Variants in CD96 observed in about 807,000 individuals in gnomAD.
The protein encoded by CD96 is T-cell surface protein tactile.
Under a neutral mutation model 71.3 loss-of-function variants are expected in CD96, and 70 were observed. That is an observed-to-expected ratio of 0.98 (90% CI 0.81 to 1.20). CD96 has a LOEUF of 1.20. Ranked by LOEUF, CD96 falls within the 50% of genes most tolerant of loss-of-function variation. The pLI is 0.00. For synonymous variants in CD96, 248 were observed against 233.0 expected (o/e 1.06, Z -0.59); for missense variants, 742 against 677.5 (o/e 1.10, Z -1.06).
chr3:111,637,681 G>A (rs1183970964), intron 11 of CD96, among the ~76,000 whole-genome samples: 5 of 152,070 alleles, frequency 3.3e-5, no homozygotes, highest in Non-Finnish European at 2.9e-5. Flanking sequence ...AAGAGAACAG[G>A]AACAGAGCCT....
intron 12 of CD96, among the ~76,000 whole-genome samples, chr3:111,643,781 G>A (rs932040670): frequency 2.7e-5 from 4 of 149,146 alleles, no homozygotes; most frequent in African/African-American, 9.8e-5. Flanking sequence ...CCTAACAAAG[G>A]AGTCTAAATT....
At chr3:111,633,260 T>C (rs1008863723) in intron 10 of CD96, among the ~76,000 whole-genome samples, 5 of 152,130 alleles carry the variant, frequency 3.3e-5, no homozygotes, top group Non-Finnish European at 5.9e-5. Context: ...ACACACAACA[T>C]TTATCAATTA....
chr3:111,565,541 A>C (rs1212480168), intron 2 of CD96, among the ~76,000 whole-genome samples: 1 of 152,042 alleles, frequency 6.6e-6, no homozygotes, highest in African/African-American at 2.4e-5. Context: ...AATATATATA[A>C]GTAAAACAAT....
chr3:111,655,674 C>A (rs1315567932), downstream of CD96, among the ~76,000 whole-genome samples: 2 of 151,874 alleles, frequency 1.3e-5, no homozygotes, highest in Non-Finnish European at 2.9e-5. Context: ...ATATAATTTA[C>A]CATATAAATA....
At chr3:111,595,110 T>C (rs1559744756) in intron 5 of CD96, 1 of 166,848 alleles carries the variant, frequency 6.0e-6, no homozygotes. Flanking sequence ...GGCAACTTAC[T>C]CCAGATGTTT....
chr3:111,609,713 A>G (rs572974492), intron 8 of CD96, among the ~76,000 whole-genome samples: 1 of 152,200 alleles, frequency 6.6e-6, no homozygotes, highest in African/African-American at 2.4e-5. Context: ...CAGGGGGGAA[A>G]AATGCCACCT....
Position 111,594,303 on chromosome 3 carries a change from C to T in CD96, c.808-3817C>T, listed in dbSNP as rs963865269. ...TATATTTGGGAAGGGCCTGTGGTAA[C>T]TCTTGGGGATTCACAATAATGGCCA... On this transcript the variant is annotated intron_variant, in intron 5 of 13. Transcript: ENST00000352690. 5 of 1,415,338 alleles carry T rather than the reference C, an allele frequency of 3.5e-6. No homozygotes were observed. In the African/African-American group the frequency reaches 7.2e-5, roughly 20 times the overall value. The allele number at this position is 1,415,338 out of a possible 1,614,324, so 87.7% of individuals were successfully genotyped here.
chr3:111,602,795 A>C (rs1235049940), intron 7 of CD96, among the ~76,000 whole-genome samples: 1 of 152,248 alleles, frequency 6.6e-6, no homozygotes. Flanking sequence ...ATGAAGACAC[A>C]GAAGAAAAAT....
chr3:111,650,235 T>C lies in CD96; in HGVS notation c.*429T>C, dbSNP rs563608168. The C allele has an allele frequency of 2.2e-4, 41 of 186,476 alleles. 1 individual carries two copies. The South Asian group carries it at 4.4e-3, about 20-fold the overall frequency. 11.6% of individuals were successfully genotyped at this position (186,476 alleles called of 1,614,324 possible). On this transcript the variant is annotated 3_prime_UTR_variant, in exon 14 of 14. Coordinates refer to ENST00000352690, the MANE Select transcript of CD96 (RefSeq NM_005816.5). ...TGGGGCTTTGCTGCATTCCCTAAGA[T>C]AATTACAGGAAAAAGAAAATGTAAA...
intron 3 of CD96, among the ~76,000 whole-genome samples, chr3:111,574,789 T>G (rs1177595564): frequency 1.3e-5 from 1 of 79,166 alleles, no homozygotes; most frequent in Admixed American, 1.1e-4. Flanking sequence ...AATTTTTAGA[T>G]TTTTTTTTTT....
chr3:111,591,248 C>G (rs1352451382), intron 5 of CD96, among the ~76,000 whole-genome samples: 1 of 151,890 alleles, frequency 6.6e-6, no homozygotes, highest in African/African-American at 2.4e-5. Flanking sequence ...TGGCACGCAC[C>G]TGTAGTCCCA....
chr3:111,659,025 T>C (rs1940295625), intron 14 of CD96, among the ~76,000 whole-genome samples: 2 of 152,188 alleles, frequency 1.3e-5, no homozygotes, highest in Admixed American at 6.5e-5. Context: ...GGGCTTCTTT[T>C]GCTTTGTAGG....
chr3:111,613,067 A>G (rs1352266134), intron 8 of CD96, among the ~76,000 whole-genome samples: 1 of 152,142 alleles, frequency 6.6e-6, no homozygotes, highest in African/African-American at 2.4e-5. Context: ...GGCACACAAC[A>G]TTCTGCAGAC....
intron 8 of CD96, among the ~76,000 whole-genome samples, chr3:111,621,502 G>A (rs552035651): frequency 1.1e-4 from 17 of 149,894 alleles, no homozygotes; most frequent in African/African-American, 4.1e-4. Flanking sequence ...TGTCCCAAAA[G>A]GAATATGAAG....
rs568154032 is a variant in CD96 at position 111,567,778 on chromosome 3, G to C, written c.543+131G>C. 1,386 of 849,244 alleles carry C rather than the reference G, an allele frequency of 1.6e-3. 1 individual carries two copies. The highest frequency in any genetic ancestry group is 2.0e-3 in the Non-Finnish European group (1,038 of 510,042). 52.6% of individuals were successfully genotyped at this position (849,244 alleles called of 1,614,324 possible). The stretch of plus-strand genomic sequence containing the variant: ...AGGCATTATGCCAGTGGTGGGAAGA[G>C]GGGTAGGGAAGGAAGGAGAGGTCAC... On this transcript the variant is annotated intron_variant, in intron 3 of 13. Transcript: ENST00000352690.
intron 7 of CD96, among the ~76,000 whole-genome samples, chr3:111,601,973 A>G (rs899935832): frequency 5.3e-5 from 8 of 152,284 alleles, no homozygotes; most frequent in Admixed American, 3.3e-4. Context: ...GTGTCTGTGT[A>G]TATGTATATG....
At chr3:111,580,593 G>T (rs374445258) in intron 4 of CD96, among the ~76,000 whole-genome samples, 1 of 152,056 alleles carries the variant, frequency 6.6e-6, no homozygotes, top group African/African-American at 2.4e-5. Flanking sequence ...GAATTGTATT[G>T]CCCTATTATT....
chr3:111,652,562 GTC>G (rs1940129327), downstream of CD96, among the ~76,000 whole-genome samples: 1 of 152,058 alleles, frequency 6.6e-6, no homozygotes, highest in Non-Finnish European at 1.5e-5. Flanking sequence ...GATGACAGGT[GTC>G]TCTCTGTGTT....
At chr3:111,646,128 A>C (rs1265162504) in intron 12 of CD96, among the ~76,000 whole-genome samples, 1 of 152,154 alleles carries the variant, frequency 6.6e-6, no homozygotes, top group African/African-American at 2.4e-5. Flanking sequence ...CAAATGATCC[A>C]TGTAATCGAA....
Sources: gnomAD v4.1 joint callset for allele counts (sites outside exome capture counted in the v4.1 genomes callset) on GRCh38, gnomAD v4.1.1 for gene constraint, MANE v1.5 for transcripts, NCBI Gene and HGNC (gene_info 2026-07-23, HGNC 2026-07-21) for gene names.